Variants in GCNT1 observed in about 807,000 individuals in gnomAD.
GCNT1 encodes the protein glucosaminyl (N-acetyl) transferase 1.
In GCNT1, 16 loss-of-function variants were observed where a neutral mutation model predicts 26.2. That is an observed-to-expected ratio of 0.61 (90% CI 0.41 to 0.93). GCNT1 has a LOEUF of 0.93. Among genes scored for constraint, GCNT1 ranks in the 40% least tolerant of loss-of-function variants. The pLI, the probability that GCNT1 is intolerant of heterozygous loss-of-function variation, is 0.00. For synonymous variants in GCNT1, 183 were observed against 190.8 expected (o/e 0.96, Z 0.34); for missense variants, 477 against 526.7 (o/e 0.91, Z 0.92).
At chr9:76,417,175 T>G (rs1337880774), upstream of GCNT1, among the ~76,000 whole-genome samples, 1 of 152,256 alleles carries the variant, frequency 6.6e-6, no homozygotes, top group Non-Finnish European at 1.5e-5. Flanking sequence ...ATGAAATTAT[T>G]TGCTTTAATA....
the GCNT1 span, among the ~76,000 whole-genome samples, chr9:76,410,047 A>G: frequency 6.6e-6 from 1 of 152,086 alleles, no homozygotes; most frequent in Non-Finnish European, 1.5e-5. Context: ...TTAATTTCCA[A>G]GTATTTTGGG....
intron 2 of GCNT1, among the ~76,000 whole-genome samples, chr9:76,491,333 G>A (rs1022502300): frequency 2.0e-5 from 3 of 151,840 alleles, no homozygotes; most frequent in African/African-American, 7.3e-5. Context: ...TGATGGCTTC[G>A]GCAGTGTAAG....
intron 2 of GCNT1, among the ~76,000 whole-genome samples, chr9:76,464,928 G>A (rs1415039898): frequency 6.6e-6 from 1 of 152,114 alleles, no homozygotes; most frequent in Non-Finnish European, 1.5e-5. Flanking sequence ...GTTAGGGCAG[G>A]CAGTAGTGTT....
the GCNT1 span, among the ~76,000 whole-genome samples, chr9:76,406,636 G>A: frequency 2.0e-5 from 3 of 152,140 alleles, no homozygotes; most frequent in Non-Finnish European, 4.4e-5. Flanking sequence ...AGGAGGCGAA[G>A]GTTGCAGTGA....
chr9:76,394,416 C>G, the GCNT1 span: 2 of 441,956 alleles, frequency 4.5e-6, no homozygotes, highest in Non-Finnish European at 8.0e-6. Context: ...GCGGAGACAG[C>G]CGAAGTAAGT....
At chr9:76,418,050 A>G (rs1823147622), upstream of GCNT1, among the ~76,000 whole-genome samples, 1 of 152,180 alleles carries the variant, frequency 6.6e-6, no homozygotes, top group African/African-American at 2.4e-5. Context: ...GCCTAGTTTT[A>G]TACATTTTAG....
intron 2 of GCNT1, among the ~76,000 whole-genome samples, chr9:76,473,578 CTT>C (rs1376605664): frequency 3.3e-5 from 5 of 152,184 alleles, no homozygotes; most frequent in African/African-American, 1.2e-4. Context: ...CTCACTTACT[CTT>C]TATAAAAACT....
intron 2 of GCNT1, among the ~76,000 whole-genome samples, chr9:76,480,706 G>T (rs1394961279): frequency 6.6e-6 from 1 of 151,930 alleles, no homozygotes; most frequent in Non-Finnish European, 1.5e-5. Context: ...GAAATGCAAG[G>T]GTTATTTAAA....
chr9:76,479,820 T>C (rs1587440227), intron 2 of GCNT1, among the ~76,000 whole-genome samples: 2 of 152,216 alleles, frequency 1.3e-5, no homozygotes, highest in African/African-American at 2.4e-5. Flanking sequence ...TTCACTCTGA[T>C]GGTAGTTTCT....
chr9:76,412,074 G>T, the GCNT1 span, among the ~76,000 whole-genome samples: 1 of 152,136 alleles, frequency 6.6e-6, no homozygotes, highest in South Asian at 2.1e-4. Context: ...ACTAACTGAA[G>T]TCCACTTTCA....
At chr9:76,399,488 A>G in the GCNT1 span, 6 of 1,587,052 alleles carry the variant, frequency 3.8e-6, no homozygotes, top group Admixed American at 1.0e-4. Flanking sequence ...GCAGTTCCCT[A>G]CTGAAGACTG....
At chr9:76,415,797 C>A (rs1303976590), upstream of GCNT1, among the ~76,000 whole-genome samples, 1 of 152,188 alleles carries the variant, frequency 6.6e-6, no homozygotes, top group Non-Finnish European at 1.5e-5. Flanking sequence ...CCAGAAAACA[C>A]AAGAAAAACC....
At chr9:76,492,466 G>T (rs1824770540) in intron 2 of GCNT1, among the ~76,000 whole-genome samples, 1 of 151,922 alleles carries the variant, frequency 6.6e-6, no homozygotes, top group Non-Finnish European at 1.5e-5. Context: ...CGGGACAGGA[G>T]ATTAACACGA....
At chr9:76,460,628 A>G (rs1194764195) in intron 2 of GCNT1, among the ~76,000 whole-genome samples, 2 of 152,232 alleles carry the variant, frequency 1.3e-5, no homozygotes, top group African/African-American at 2.4e-5. Context: ...GACTGTGTAG[A>G]TACCTGCTTT....
At chr9:76,414,772 G>A in the GCNT1 span, among the ~76,000 whole-genome samples, 1 of 152,236 alleles carries the variant, frequency 6.6e-6, no homozygotes, top group South Asian at 2.1e-4. Flanking sequence ...ACAACCAGAG[G>A]TCACTTTCAT....
intron 2 of GCNT1, among the ~76,000 whole-genome samples, chr9:76,490,090 A>G (rs1824690776): frequency 6.6e-6 from 1 of 152,122 alleles, no homozygotes; most frequent in South Asian, 2.1e-4. Context: ...ATGTCCACCA[A>G]CTCCAGAGGT....
upstream of GCNT1, among the ~76,000 whole-genome samples, chr9:76,440,341 G>C (rs1483254206): frequency 6.6e-6 from 1 of 152,124 alleles, no homozygotes; most frequent in Non-Finnish European, 1.5e-5. Context: ...TGAAGACTTT[G>C]TTTGCCTTGT....
chr9:76,484,383 AG>A (rs1824509679), intron 2 of GCNT1, among the ~76,000 whole-genome samples: 1 of 151,140 alleles, frequency 6.6e-6, no homozygotes. Flanking sequence ...AAAAAAAAAA[AG>A]AGAGAGAAAG....
intron 1 of GCNT1, among the ~76,000 whole-genome samples, chr9:76,445,647 C>T (rs1823563983): frequency 6.6e-6 from 1 of 151,276 alleles, no homozygotes; most frequent in African/African-American, 2.5e-5. Flanking sequence ...CCCGCCTTGG[C>T]CTCCCTCAGT....
Sources: allele counts gnomAD v4.1 joint callset (sites outside exome capture counted in the v4.1 genomes callset), GRCh38; gene constraint gnomAD v4.1.1; transcripts MANE v1.5; gene names NCBI Gene and HGNC (gene_info 2026-07-23, HGNC 2026-07-21).